ZNF469: variants seen among roughly 807,000 people sequenced by gnomAD.
ZNF469 encodes zinc finger protein 469.
Under a neutral mutation model 1.0 loss-of-function variants are expected in ZNF469, and 1 was observed. That is an observed-to-expected ratio of 1.00 (90% CI 0.35 to 4.73). ZNF469 has a LOEUF of 4.73. Ranked by LOEUF, ZNF469 falls within the 30% of genes most tolerant of loss-of-function variation. ZNF469 has a pLI of 0.16. For missense variants in ZNF469, 6,100 were observed against 5,356.3 expected (o/e 1.14, Z -4.33); for synonymous variants, 2,703 against 2,363.4 (o/e 1.14, Z -4.17).
chr16:88,364,638 C>T, the ZNF469 span, among the ~76,000 whole-genome samples: 1 of 151,962 alleles, frequency 6.6e-6, no homozygotes, highest in African/African-American at 2.4e-5. Context: ...GTCTTAATTT[C>T]ACTTAGTGAT....
the ZNF469 span, among the ~76,000 whole-genome samples, chr16:88,157,828 C>T: frequency 6.6e-6 from 1 of 151,822 alleles, no homozygotes; most frequent in Non-Finnish European, 1.5e-5. Flanking sequence ...CTCGCCACTG[C>T]TGGGTGCCAT....
In ZNF469 at chr16:88,437,111, T is replaced by C. The variant is rs1906641510; in HGVS notation, c.9641T>C (p.Leu3214Pro). The C allele has an allele frequency of 1.9e-6, 3 of 1,547,364 alleles. No individual in the cohort carries two copies. The highest frequency in any genetic ancestry group is 2.6e-6 in the Non-Finnish European group (3 of 1,146,456). Residue 3214 changes from leucine (L) to proline (P), a missense_variant, in exon 3 of 3, where the codon CTG (leucine) becomes CCG (proline). Leu to Pro is a moderately conservative substitution (Grantham distance 98). Transcript: ENST00000565624. ...RGQARRSLGD[L>P]PGGLEGSSAV... ...CAGGCGCGGAGGTCCTTGGGGGACC[T>C]GCCCGGAGGCCTGGAGGGCAGCAGC...
chr16:88,140,338 C>A, the ZNF469 span, among the ~76,000 whole-genome samples: 1 of 149,062 alleles, frequency 6.7e-6, no homozygotes, highest in Admixed American at 6.8e-5. Flanking sequence ...GAGGGTAGCA[C>A]GGAGGAAAGG....
At chr16:88,295,777 CCT>C in the ZNF469 span, among the ~76,000 whole-genome samples, 3 of 152,164 alleles carry the variant, frequency 2.0e-5, no homozygotes, top group Admixed American at 6.5e-5. Context: ...CTAGAAGATC[CCT>C]CTCTCTGGAA....
chr16:88,150,078 C>T, the ZNF469 span, among the ~76,000 whole-genome samples: 20 of 152,194 alleles, frequency 1.3e-4, no homozygotes, highest in East Asian at 3.9e-4. Flanking sequence ...GAGGCCGAGG[C>T]GGGTGGATCA....
rs111986360 is a variant in ZNF469 at position 88,433,167 on chromosome 16, C to G, written c.5697C>G (p.Ser1899Arg). Residue 1899 changes from serine to arginine, a missense_variant, in exon 3 of 3, where the codon AGC becomes AGG. Ser to Arg is a moderately radical substitution (Grantham distance 110, BLOSUM62 -1). Transcript: ENST00000565624. ...GGAGGTCCCAGGACCCAGCTTTGAG[C>G]CCCCCCATACGTCAGCTCCAGCTCC... ...PSRRSQDPALSPPIRQLQLPG... is the reference protein window; with the variant it reads ...PSRRSQDPALRPPIRQLQLPG... The G allele has an allele frequency of 1.3e-6, 2 of 1,542,304 alleles. No homozygotes were observed. Among genetic ancestry groups the G allele is most frequent in the Admixed American group, 2.0e-5 (1 of 50,894 alleles).
At chr16:88,200,059 A>G in the ZNF469 span, among the ~76,000 whole-genome samples, 1 of 152,130 alleles carries the variant, frequency 6.6e-6, no homozygotes, top group Non-Finnish European at 1.5e-5. Context: ...ACGGTCAAAC[A>G]GGCGAGGGCT....
At chr16:88,375,322 G>A in the ZNF469 span, among the ~76,000 whole-genome samples, 1 of 152,234 alleles carries the variant, frequency 6.6e-6, no homozygotes, top group African/African-American at 2.4e-5. Flanking sequence ...GGCACAGAGG[G>A]GCCAAGGCCA....
At chr16:88,152,840 G>A in the ZNF469 span, among the ~76,000 whole-genome samples, 1 of 152,216 alleles carries the variant, frequency 6.6e-6, no homozygotes, top group African/African-American at 2.4e-5. The surrounding 1 kb of genome is among the most constrained non-coding windows in gnomAD (Gnocchi z 4.2). Context: ...ACAAACCGCT[G>A]TCTAATGATT....
At chr16:88,393,212 A>T (rs1402989105) in intron 1 of ZNF469, among the ~76,000 whole-genome samples, 1 of 152,244 alleles carries the variant, frequency 6.6e-6, no homozygotes. Flanking sequence ...GTGCCCTCCC[A>T]GCGGAAGAAA....
chr16:88,433,157 C>A lies in ZNF469; in HGVS notation c.5687C>A (p.Pro1896Gln), dbSNP rs1299325998. 2 of 1,550,246 alleles carry A rather than the reference C, an allele frequency of 1.3e-6. No homozygotes were observed. The change falls in exon 3 of 3, where the codon CCA (proline) becomes CAA (glutamine). Residue 1896 changes from proline (P) to glutamine (Q), a missense_variant. Coordinates refer to ENST00000565624, the MANE Select transcript of ZNF469 (RefSeq NM_001367624.2). ...NTHPSRRSQD[P>Q]ALSPPIRQLQ... The stretch of plus-strand genomic sequence containing the variant: ...CACCCTAGCAGGAGGTCCCAGGACC[C>A]AGCTTTGAGCCCCCCCATACGTCAG...
chr16:88,357,990 T>A, the ZNF469 span, among the ~76,000 whole-genome samples: 1 of 152,176 alleles, frequency 6.6e-6, no homozygotes, highest in Non-Finnish European at 1.5e-5. Flanking sequence ...CCACTTGTCC[T>A]GGGAAGAAAC....
At chr16:88,224,358 A>G in the ZNF469 span, among the ~76,000 whole-genome samples, 1 of 152,148 alleles carries the variant, frequency 6.6e-6, no homozygotes, top group African/African-American at 2.4e-5. Context: ...GCAGGTGGTG[A>G]GTGATTTCTT....
the ZNF469 span, among the ~76,000 whole-genome samples, chr16:88,125,289 TA>T: frequency 6.6e-6 from 1 of 152,256 alleles, no homozygotes; most frequent in Non-Finnish European, 1.5e-5. Context: ...GTATGTCTTC[TA>T]AATTTGTTCT....
At chr16:88,359,411 G>A in the ZNF469 span, among the ~76,000 whole-genome samples, 81 of 152,186 alleles carry the variant, frequency 5.3e-4, no homozygotes, top group East Asian at 0.014. Flanking sequence ...CGCGGGCTCG[G>A]TATCCTGCCC....
At chr16:88,226,311 C>A in the ZNF469 span, among the ~76,000 whole-genome samples, 9 of 151,882 alleles carry the variant, frequency 5.9e-5, no homozygotes, top group African/African-American at 2.2e-4. Context: ...GAGGTGAGGT[C>A]GTTAGGGTGG....
the ZNF469 span, among the ~76,000 whole-genome samples, chr16:88,219,420 G>A: frequency 1.5e-5 from 2 of 134,682 alleles, no homozygotes; most frequent in African/African-American, 2.9e-5. Context: ...CCAAAACAGA[G>A]ATATAGATCA....
the ZNF469 span, among the ~76,000 whole-genome samples, chr16:88,264,295 C>G: frequency 1.3e-5 from 2 of 151,964 alleles, no homozygotes; most frequent in Non-Finnish European, 2.9e-5. Context: ...CTAGGCTGGC[C>G]ACCCCTCATG....
At chr16:88,390,361 A>G (rs1460487996) in intron 1 of ZNF469, among the ~76,000 whole-genome samples, 1 of 152,132 alleles carries the variant, frequency 6.6e-6, no homozygotes, top group Admixed American at 6.5e-5. Flanking sequence ...ACCTGTCCAG[A>G]GCCTACCCAG....
Sources: gnomAD v4.1 joint callset for allele counts (sites outside exome capture counted in the v4.1 genomes callset) on GRCh38, gnomAD v4.1.1 for gene constraint, Gnocchi (gnomAD v3.1) non-coding constraint, MANE v1.5 for transcripts, NCBI Gene and HGNC (gene_info 2026-07-23, HGNC 2026-07-21) for gene names.